KCTD1: variants seen among roughly 807,000 people sequenced by gnomAD.
KCTD1 encodes potassium channel tetramerization domain containing 1, also known as BTB/POZ domain-containing protein KCTD1.
In KCTD1, 24 loss-of-function variants were observed where a neutral mutation model predicts 66.0. The ratio of observed to expected loss-of-function variants is 0.36; its 90% confidence interval spans 0.26 to 0.51. The LOEUF (loss-of-function observed/expected upper bound fraction) is 0.51. Among genes scored for constraint, KCTD1 ranks in the 20% least tolerant of loss-of-function variants. KCTD1 has a pLI of 0.95. For missense variants in KCTD1, 943 were observed against 1,205.2 expected, an observed-to-expected ratio of 0.78 and a Z score of 3.22; for synonymous variants, 511 against 517.2, an observed-to-expected ratio of 0.99 and a Z score of 0.16.
At position 26,605,431 on chromosome 18, in the gene KCTD1, T is replaced by C. The variant is rs374298165; in HGVS notation, c.-16+23716A>G. On this transcript the variant is annotated intron_variant, in intron 1 of 4. Coordinates refer to the KCTD1 transcript ENST00000317932. ...GAATTACTATGGTACTGTAGCTTCT[T>C]AACTGTGTGTTTTTTTAAAATTCCA... 2.1e-4 allele frequency among the ~76,000 whole-genome samples: 32 copies of C among 152,310 alleles called. 1 individual carries two copies. In the South Asian group the frequency reaches 6.6e-3, roughly 32 times the overall value.
rs375390562 is a variant in KCTD1 at position 26,476,489 on chromosome 18, T to C, written c.2133+26A>G. 3.1e-6 allele frequency: 5 copies of C among 1,591,494 alleles called. No homozygotes were observed. The highest frequency in any genetic ancestry group is 1.9e-5 in the Admixed American group (1 of 53,544). ...ATAAAAAAATCACATATTTATGCTA[T>C]TGGTGATTTAACATGGATCCCTCAC... is the stretch of plus-strand genomic sequence containing the variant. On this transcript the variant is annotated intron_variant, in intron 3 of 4. Coordinates refer to ENST00000580059, the MANE Select transcript of KCTD1 (RefSeq NM_001142730.3). The surrounding 1 kb of genome is among the most constrained non-coding windows in gnomAD (Gnocchi z 4.9).
chr18:26,552,938 A>G (rs1016148928), upstream of KCTD1, among the ~76,000 whole-genome samples: 6 of 152,128 alleles, frequency 3.9e-5, no homozygotes, highest in East Asian at 1.9e-4. Context: ...TATGAATTCA[A>G]ATTGAAACTA....
intron 1 of KCTD1, among the ~76,000 whole-genome samples, chr18:26,570,680 G>A (rs910508466): frequency 2.0e-5 from 3 of 152,104 alleles, no homozygotes; most frequent in Middle Eastern, 3.2e-3. Flanking sequence ...CAAAGTGCTG[G>A]GATTACAGGC....
intron 1 of KCTD1, among the ~76,000 whole-genome samples, chr18:26,516,611 A>T (rs1254013636): frequency 3.3e-5 from 5 of 152,272 alleles, no homozygotes; most frequent in African/African-American, 1.2e-4. Context: ...CACAGGCATC[A>T]GTTGAAAGCC....
chr18:26,593,097 G>C (rs1986647482), intron 1 of KCTD1, among the ~76,000 whole-genome samples: 1 of 152,120 alleles, frequency 6.6e-6, no homozygotes, highest in African/African-American at 2.4e-5. Context: ...GGGCTTCAAG[G>C]TCAGTCATTT....
Position 26,522,663 on chromosome 18 carries a change from T to C in KCTD1, c.1810-21413A>G, listed in dbSNP as rs367837281. Among the ~76,000 whole-genome samples the C allele has an allele frequency of 3.3e-5, 5 of 152,194 alleles. No individual in the cohort carries two copies. In the East Asian group the frequency reaches 7.7e-4, roughly 23 times the overall value. ...CTTGACGGTACCTCTTTGTGGACCA[T>C]GCCCATTACCATCCTCTTCTGAACA... On this transcript the variant is annotated intron_variant, in intron 1 of 4. Coordinates refer to ENST00000580059, the MANE Select transcript of KCTD1 (RefSeq NM_001142730.3).
At chr18:26,598,471 T>TACACACACACAC (rs4041522) in intron 1 of KCTD1, among the ~76,000 whole-genome samples, 2,530 of 149,744 alleles carry the variant, frequency 0.017, 30 homozygotes, top group African/African-American at 0.027. Flanking sequence ...TCTCTTTTTT[T>TACACACACACAC]ACACACACAC....
In KCTD1 at chr18:26,548,416, G is replaced by C; in HGVS notation, c.121C>G (p.Arg41Gly). 6.3e-6 allele frequency: 9 copies of C among 1,426,158 alleles called. No individual in the cohort carries two copies. The highest frequency in any genetic ancestry group is 8.3e-6 in the Non-Finnish European group (9 of 1,087,898). 88.3% of individuals were successfully genotyped at this position (1,426,158 alleles called of 1,614,324 possible). ...TGCGGACGGCTGTGGCGGCGGCCGC[G>C]GCCCCCCGCGCCGCGCTCGCCCTCG... is the stretch of plus-strand genomic sequence containing the variant. Reference protein sequence around the residue: ...RGEGERGAGGRGRRHSRPHYC... With the variant: ...RGEGERGAGGGGRRHSRPHYC... Residue 41 changes from arginine (R) to glycine (G), a missense_variant, in exon 1 of 5, where the codon CGC becomes GGC. Coordinates refer to ENST00000580059, the MANE Select transcript of KCTD1 (RefSeq NM_001142730.3).
chr18:26,568,326 C>T lies in KCTD1; in HGVS notation c.-16+60821G>A, dbSNP rs567127645. ...TCCTAGCTCACTGCAGCCTCAGCCT[C>T]CCTGGGCTCAGGTGATCTCCCCATC... On this transcript the variant is annotated intron_variant, in intron 1 of 4. Coordinates refer to the KCTD1 transcript ENST00000317932. Among the ~76,000 whole-genome samples, 6 of 152,234 alleles carry T rather than the reference C, an allele frequency of 3.9e-5. No individual in the cohort carries two copies. The South Asian group carries it at 1.0e-3, about 26-fold the overall frequency.
intron 4 of KCTD1, chr18:26,458,862 G>A (rs997669471): frequency 2.6e-5 from 4 of 152,198 alleles, no homozygotes; most frequent in Non-Finnish European, 4.4e-5. Context: ...TGGTCTCCTT[G>A]TTTCTCCTAT....
At chr18:26,543,398 C>T (rs1306171712) in intron 1 of KCTD1, 1 of 152,242 alleles carries the variant, frequency 6.6e-6, no homozygotes, top group Non-Finnish European at 1.5e-5. Flanking sequence ...CCCTCTTAGT[C>T]TTCAAATTCA....
chr18:26,531,287 T>C (rs1598921703), intron 1 of KCTD1, among the ~76,000 whole-genome samples: 1 of 152,200 alleles, frequency 6.6e-6, no homozygotes, highest in African/African-American at 2.4e-5. Flanking sequence ...AGCCCAGTAG[T>C]TTGAGACCAG....
At chr18:26,541,320 A>G (rs1984963052) in intron 1 of KCTD1, among the ~76,000 whole-genome samples, 1 of 152,206 alleles carries the variant, frequency 6.6e-6, no homozygotes, top group African/African-American at 2.4e-5. Flanking sequence ...AAAGCACACT[A>G]CGTACATGCA....
intron 1 of KCTD1, among the ~76,000 whole-genome samples, chr18:26,531,180 A>C (rs1342497091): frequency 1.3e-5 from 2 of 152,186 alleles, no homozygotes; most frequent in African/African-American, 4.8e-5. Flanking sequence ...GATTATGGCA[A>C]ATAAAATGAA....
intron 1 of KCTD1, among the ~76,000 whole-genome samples, chr18:26,539,547 G>C (rs1422823942): frequency 6.6e-6 from 1 of 152,190 alleles, no homozygotes; most frequent in Non-Finnish European, 1.5e-5. Flanking sequence ...TACAGAACCA[G>C]TTAGAGATTG....
intron 1 of KCTD1, chr18:26,565,657 G>A (rs961361934): frequency 6.6e-6 from 1 of 151,866 alleles, no homozygotes; most frequent in Non-Finnish European, 1.5e-5. Context: ...TGATGCTTGT[G>A]TGGGAGTGAG....
At chr18:26,508,692 C>T (rs1983173161) in intron 1 of KCTD1, among the ~76,000 whole-genome samples, 1 of 148,162 alleles carries the variant, frequency 6.7e-6, no homozygotes, top group Admixed American at 6.8e-5. Context: ...CAAATTTCAA[C>T]CTGGATTTAA....
intron 1 of KCTD1, among the ~76,000 whole-genome samples, chr18:26,614,199 G>A (rs549694531): frequency 1.3e-5 from 2 of 152,290 alleles, no homozygotes; most frequent in East Asian, 1.9e-4. Context: ...ATTCTAGCAC[G>A]TAGATCAGTG....
At chr18:26,611,607 T>G (rs573000186) in intron 1 of KCTD1, among the ~76,000 whole-genome samples, 1 of 152,318 alleles carries the variant, frequency 6.6e-6, no homozygotes, top group East Asian at 1.9e-4. Flanking sequence ...TGCCTTGGCC[T>G]CCCAAAATGT....
Sources: gnomAD v4.1 joint callset for allele counts (sites outside exome capture counted in the v4.1 genomes callset) on GRCh38, gnomAD v4.1.1 for gene constraint, Gnocchi (gnomAD v3.1) non-coding constraint, MANE v1.5 for transcripts, NCBI Gene and HGNC (gene_info 2026-07-23, HGNC 2026-07-21) for gene names.